The following ERCC2 variants were observed in gnomAD, a reference collection of about 807,000 sequenced individuals.
ERCC2 encodes the protein general transcription and DNA repair factor IIH helicase subunit XPD.
Under a neutral mutation model 99.4 loss-of-function variants are expected in ERCC2, and 90 were observed. That is an observed-to-expected ratio of 0.91 (90% confidence interval 0.76 to 1.08). ERCC2 has a LOEUF of 1.08. Ranked by LOEUF, ERCC2 falls within the 50% of genes least tolerant of loss-of-function variation. ERCC2 has a pLI of 0.00. For missense variants in ERCC2, 993 were observed against 1,038.1 expected (o/e 0.96, Z 0.60); for synonymous variants, 497 against 432.4 (o/e 1.15, Z -1.85).
chr19:45,352,401 G>C, intron 21 of ERCC2, 49 bp from the exon 22 acceptor site: 1 of 1,613,706 alleles, frequency 6.2e-7, no homozygotes, highest in Non-Finnish European at 8.5e-7. Context: ...CGGGGAGCCT[G>C]GGCCACTCTC....
rs74457528 is a variant in ERCC2, at chr19:45,366,667, C to T, written c.361-1509G>A. ...TTCTGAAGAACAAATCCTTTTCCTA[C>T]GCCAAAAGGAAAGCTCCAAGGCAGC... On this transcript the variant is annotated intron_variant, in intron 5 of 22. Coordinates refer to ENST00000391945, the MANE Select transcript of ERCC2 (RefSeq NM_000400.4). Among the ~76,000 whole-genome samples, 32 of 152,252 alleles carry T rather than the reference C, an allele frequency of 2.1e-4. 1 individual carries two copies. The highest frequency in any genetic ancestry group is 7.2e-4 in the African/African-American group (30 of 41,542).
chr19:45,358,168 G>A (rs1972079734), intron 12 of ERCC2: 2 of 242,080 alleles, frequency 8.3e-6, no homozygotes, highest in East Asian at 2.0e-4. Flanking sequence ...TCCTGCCTCA[G>A]CCTCTTGAGT....
At chr19:45,353,189 A>C in intron 18 of ERCC2, 34 bp from the exon 19 acceptor site, 3 of 1,612,340 alleles carry the variant, frequency 1.9e-6, no homozygotes, top group Non-Finnish European at 1.7e-6. Context: ...AAGTTAGGTC[A>C]CTCCTCAGAG....
intron 5 of ERCC2, among the ~76,000 whole-genome samples, chr19:45,366,137 G>A (rs1284749530): frequency 1.7e-5 from 2 of 118,420 alleles, no homozygotes; most frequent in Non-Finnish European, 3.4e-5. Context: ...CGCCCAGCCA[G>A]CCAAAACTAA....
chr19:45,357,311 T>G lies in ERCC2; in HGVS notation c.1438A>C (p.Thr480Pro). The G allele has an allele frequency of 6.2e-7, 1 of 1,614,034 alleles. No homozygotes were observed. The highest frequency in any genetic ancestry group is 8.5e-7 in the Non-Finnish European group (1 of 1,179,954). The change falls in exon 15 of 23, where the codon ACC (threonine) becomes CCC (proline). Residue 480 changes from threonine to proline, a missense_variant. This residue lies in a region of ERCC2 where 909 missense variants were observed against 930.8 expected (regional missense o/e 0.98). Coordinates refer to ENST00000391945, the MANE Select transcript of ERCC2 (RefSeq NM_000400.4). ...ACCCGTGCCAGCGTCATGGTGAAGG[T>G]TGCCATGGTGACGGGGTGGAAGTCC... Reference protein sequence around the residue: ...ILDFHPVTMATFTMTLARVCL... With the variant: ...ILDFHPVTMAPFTMTLARVCL...
chr19:45,364,888 C>T lies in ERCC2; in HGVS notation c.544G>A (p.Ala182Thr), dbSNP rs766007432. Residue 182 changes from alanine to threonine, a missense_variant, in exon 7 of 23, where the codon GCC becomes ACC. Ala to Thr is a moderately conservative substitution (Grantham distance 58). This residue lies in a region of ERCC2 where 909 missense variants were observed against 930.8 expected (regional missense o/e 0.98). Transcript: ENST00000391945. The stretch of plus-strand genomic sequence containing the variant: ...CACCAGCCCTGGCGCCGCCCCAGGG[C>T]CTTCAGGTCATCCAGGTTGTAGATG... ...AGIYNLDDLK[A>T]LGRRQGWCPY... 6.8e-6 allele frequency: 11 copies of T among 1,614,164 alleles called. 1 individual carries two copies. In the South Asian group the frequency reaches 7.7e-5, roughly 11 times the overall value.
chr19:45,366,361 C>G (rs1438094563), intron 5 of ERCC2, among the ~76,000 whole-genome samples: 1 of 152,052 alleles, frequency 6.6e-6, no homozygotes, highest in South Asian at 2.1e-4. Context: ...AAGCTGGTCT[C>G]GAACTCCTGA....
chr19:45,361,660 C>T lies in ERCC2; in HGVS notation c.1119-18G>A, dbSNP rs757898467. The T allele has an allele frequency of 1.3e-5, 21 of 1,570,200 alleles. No homozygotes were observed. Among genetic ancestry groups the T allele is most frequent in the African/African-American group, 1.2e-4 (9 of 73,776 alleles). ...CACAGAATCTGGCGGGGAGGAGAGACGGGGTCGGGGGGCAGACGGAAGCAT... is the reference window on the plus strand; with the variant it reads ...CACAGAATCTGGCGGGGAGGAGAGATGGGGTCGGGGGGCAGACGGAAGCAT... On this transcript the variant is annotated intron_variant, in intron 11 of 22. Coordinates refer to ENST00000391945, the MANE Select transcript of ERCC2 (RefSeq NM_000400.4).
rs981271707 is a variant in ERCC2, at chr19:45,349,988, G to A, written c.*1641C>T. On this transcript the variant is annotated 3_prime_UTR_variant, in exon 23 of 23. Transcript: ENST00000391945. ...CTGAGGCACCGAGGCCATGCCACCA[G>A]CCCAAAGTACAGCAGACAGGCTCAG... 7.0e-5 allele frequency: 30 copies of A among 429,536 alleles called. 2 individuals are homozygous for A. In the South Asian group the frequency reaches 7.4e-4, roughly 11 times the overall value. The allele number at this position is 429,536 out of a possible 1,614,324, so 26.6% of individuals were successfully genotyped here.
At chr19:45,359,204 G>A (rs908409334) in intron 12 of ERCC2, among the ~76,000 whole-genome samples, 2 of 152,126 alleles carry the variant, frequency 1.3e-5, no homozygotes, top group Non-Finnish European at 2.9e-5. Flanking sequence ...TAAGGATGAG[G>A]GGGAGGTGGT....
chr19:45,350,798 G>GGGC lies in ERCC2; in HGVS notation c.*830_*831insGCC. On this transcript the variant is annotated 3_prime_UTR_variant, in exon 23 of 23. Transcript: ENST00000391945. ...AGCCCTGACATCAGCAGAATCCACA[G>GGGC]CCCACCCCACCCCCACCCCCATCTT... 7.0e-7 allele frequency: 1 copy of GGGC among 1,434,604 alleles called. No individual in the cohort carries two copies. Among genetic ancestry groups the GGGC allele is most frequent in the Non-Finnish European group, 9.6e-7 (1 of 1,039,824 alleles). The allele number at this position is 1,434,604 out of a possible 1,614,324, so 88.9% of individuals were successfully genotyped here. A position where few individuals can be genotyped will look rare whatever the true frequency, so the allele number is the denominator to read the frequency against.
At chr19:45,355,813 GCTTTTT>G in intron 15 of ERCC2, 85 bp from the exon 16 acceptor site, 1 of 827,046 alleles carries the variant, frequency 1.2e-6, no homozygotes, top group East Asian at 2.8e-5. Flanking sequence ...GCTGTTCTAA[GCTTTTT>G]TTTTTTTTTT....
At chr19:45,361,252 C>A (rs1972209074) in intron 12 of ERCC2, among the ~76,000 whole-genome samples, 1 of 152,088 alleles carries the variant, frequency 6.6e-6, no homozygotes, top group Admixed American at 6.6e-5. Flanking sequence ...TGTGAGCTGA[C>A]CCCATAGAAT....
Position 45,351,024 on chromosome 19 carries a change from GGGACATCTGGGTCAAAAATAGAGGA to G in ERCC2, c.*580_*604del. 1.2e-6 allele frequency: 2 copies of G among 1,614,138 alleles called. No individual in the cohort carries two copies. The highest frequency in any genetic ancestry group is 1.7e-6 in the Non-Finnish European group (2 of 1,180,030). On this transcript the variant is annotated 3_prime_UTR_variant, in exon 23 of 23. Transcript: ENST00000391945. ...AAGGGCTCCTGGGACTCAGGTGAGG[GGGACATCTGGGTCAAAAATAGAGGA>G]GGCCATGTGGGTAGGTGCAGAGATG... is the stretch of plus-strand genomic sequence containing the variant.
chr19:45,350,814 C>A lies in ERCC2; in HGVS notation c.*815G>T. 7.4e-7 allele frequency: 1 copy of A among 1,349,032 alleles called. No individual in the cohort carries two copies. The highest frequency in any genetic ancestry group is 1.5e-5 in the African/African-American group (1 of 68,914). 83.6% of individuals were successfully genotyped at this position (1,349,032 alleles called of 1,614,324 possible). On this transcript the variant is annotated 3_prime_UTR_variant, in exon 23 of 23. Coordinates refer to ENST00000391945, the MANE Select transcript of ERCC2 (RefSeq NM_000400.4). Reference sequence around the variant, plus strand: ...GAATCCACAGCCCACCCCACCCCCACCCCCATCTTGCTCAAGAACCTTCCA... The same window carrying A: ...GAATCCACAGCCCACCCCACCCCCAACCCCATCTTGCTCAAGAACCTTCCA...
Position 45,351,507 on chromosome 19 carries a change from G to A in ERCC2, c.*122C>T. ...CCTTCTCCTGCGATTAAAGGCTGTGGACGTGACAGTGAGAAATGTCACCTG... is the reference window on the plus strand; with the variant it reads ...CCTTCTCCTGCGATTAAAGGCTGTGAACGTGACAGTGAGAAATGTCACCTG... On this transcript the variant is annotated 3_prime_UTR_variant, in exon 23 of 23. Coordinates refer to ENST00000391945, the MANE Select transcript of ERCC2 (RefSeq NM_000400.4). The A allele has an allele frequency of 6.3e-7, 1 of 1,598,114 alleles. No homozygotes were observed. The highest frequency in any genetic ancestry group is 8.5e-7 in the Non-Finnish European group (1 of 1,177,264).
At position 45,363,983 on chromosome 19, in the gene ERCC2, C is replaced by G; in HGVS notation, c.949+3G>C. On this transcript the variant is annotated splice_donor_region_variant and intron_variant, in intron 10 of 22. Transcript: ENST00000391945. ...TGGGGGGCAGCGGGGGGTCGGGGCT[C>G]ACCCTGCAGCACTTCGTCGGGCAGC... 1 of 1,539,616 alleles carries G rather than the reference C, an allele frequency of 6.5e-7. No individual in the cohort carries two copies. Among genetic ancestry groups the G allele is most frequent in the Non-Finnish European group, 8.7e-7 (1 of 1,146,470 alleles).
chr19:45,357,951 C>T (rs530479938), intron 12 of ERCC2: 55 of 573,420 alleles, frequency 9.6e-5, no homozygotes, highest in African/African-American at 1.5e-4. Flanking sequence ...GAGCCCACAG[C>T]CCCGCCCACT....
rs1288356760 is a variant in ERCC2, at chr19:45,361,932, T to A, written c.1119-290A>T. The A allele has an allele frequency of 2.0e-5, 8 of 403,684 alleles. No homozygotes were observed. The Middle Eastern group carries it at 1.0e-3, about 53-fold the overall frequency. 25.0% of individuals were successfully genotyped at this position (403,684 alleles called of 1,614,324 possible). ...CGACCTCCTAAGTGGGTTCTTTTTT[T>A]CTTTTTCTTTTTTTTCTTTGTTCAG... is the stretch of plus-strand genomic sequence containing the variant. On this transcript the variant is annotated intron_variant, in intron 11 of 22. Coordinates refer to ENST00000391945, the MANE Select transcript of ERCC2 (RefSeq NM_000400.4).
Sources: gnomAD v4.1 joint callset for allele counts (sites outside exome capture counted in the v4.1 genomes callset) on GRCh38, gnomAD v4.1.1 for gene constraint, gnomAD v4.1.1 regional missense constraint, MANE v1.5 for transcripts, NCBI Gene and HGNC (gene_info 2026-07-23, HGNC 2026-07-21) for gene names.